DPY19L4: variants seen among roughly 807,000 people sequenced by gnomAD.
DPY19L4 encodes the protein probable C-mannosyltransferase DPY19L4.
Under a neutral mutation model 102.8 loss-of-function variants are expected in DPY19L4, and 97 were observed. The observed-to-expected ratio is 0.94, with a 90% CI of 0.80 to 1.12. DPY19L4 has a LOEUF of 1.12. Among genes scored for constraint, DPY19L4 ranks in the 50% most tolerant of loss-of-function variants. The probability of loss-of-function intolerance (pLI) is 0.00; values close to 1 mark genes in which losing one functional copy is unlikely to be tolerated. For synonymous variants in DPY19L4, 252 were observed against 283.1 expected (o/e 0.89, Z 1.10); for missense variants, 815 against 850.4 (o/e 0.96, Z 0.52).
chr8:94,765,120 CAAAT>C, intron 8 of DPY19L4, 59 bp from the exon 9 acceptor site: 1 of 1,186,316 alleles, frequency 8.4e-7, no homozygotes, highest in Non-Finnish European at 1.2e-6. Context: ...CTATATAAAA[CAAAT>C]GAAAATATGT....
chr8:94,777,886 T>TA, intron 14 of DPY19L4, 100 bp downstream of exon 14: 2 of 1,348,396 alleles, frequency 1.5e-6, no homozygotes, highest in Non-Finnish European at 2.0e-6. Context: ...ATGAGTAAAT[T>TA]ACATGATGAC....
chr8:94,737,048 A>ACT lies in DPY19L4; in HGVS notation c.253-1321_253-1320insCT, dbSNP rs1811217158. Among the ~76,000 whole-genome samples the ACT allele has an allele frequency of 2.0e-5, 3 of 152,342 alleles. No homozygotes were observed. The South Asian group carries it at 6.2e-4, about 32-fold the overall frequency. Reference sequence around the variant, plus strand: ...TAAAATTATTGCCAGATTACTAAAAAGTTAAGTTCCTCATTAATGGGGCCA... The same window carrying ACT: ...TAAAATTATTGCCAGATTACTAAAAACTGTTAAGTTCCTCATTAATGGGGCCA... On this transcript the variant is annotated intron_variant, in intron 3 of 18. Transcript: ENST00000414645.
At chr8:94,749,890 T>C (rs949466814) in intron 6 of DPY19L4, among the ~76,000 whole-genome samples, 10 of 152,200 alleles carry the variant, frequency 6.6e-5, no homozygotes, top group African/African-American at 2.4e-4. Flanking sequence ...TTAAGATAAA[T>C]TTCAGATGGA....
rs764361003 is a variant in DPY19L4, at chr8:94,734,709, C to T, written c.207C>T (p.Tyr69=). The part of the protein sequence containing the change: ...AVTSGMMYAL[Y]LSAYHERKFW... ...CTAGTGGTATGATGTATGCTCTCTACTTATCAGCATACCATGAACGGAAAT... is the reference window on the plus strand; with the variant it reads ...CTAGTGGTATGATGTATGCTCTCTATTTATCAGCATACCATGAACGGAAAT... The change falls in exon 3 of 19, where the codon TAC becomes TAT. Residue 69 remains tyrosine (Y), a synonymous_variant. Coordinates refer to ENST00000414645, the MANE Select transcript of DPY19L4 (RefSeq NM_181787.3). The T allele has an allele frequency of 1.1e-5, 18 of 1,613,994 alleles. No individual in the cohort carries two copies. The highest frequency in any genetic ancestry group is 1.5e-5 in the Non-Finnish European group (18 of 1,179,940).
At chr8:94,789,134 A>T (rs1813784864) in intron 18 of DPY19L4, among the ~76,000 whole-genome samples, 1 of 152,052 alleles carries the variant, frequency 6.6e-6, no homozygotes, top group South Asian at 2.1e-4. Flanking sequence ...TCTGATACCC[A>T]CTTTTCTGCT....
At chr8:94,737,514 G>A (rs1248745763) in intron 3 of DPY19L4, among the ~76,000 whole-genome samples, 2 of 151,344 alleles carry the variant, frequency 1.3e-5, no homozygotes, top group African/African-American at 4.8e-5. Context: ...GCCAGGCGGT[G>A]ACTCAACGCC....
At chr8:94,748,051 T>C (rs1251678621) in intron 6 of DPY19L4, among the ~76,000 whole-genome samples, 1 of 152,148 alleles carries the variant, frequency 6.6e-6, no homozygotes, top group Non-Finnish European at 1.5e-5. Flanking sequence ...TCATTTGATT[T>C]TGTCACCTCC....
At chr8:94,722,117 T>G (rs768435152) in intron 1 of DPY19L4, among the ~76,000 whole-genome samples, 10 of 113,702 alleles carry the variant, frequency 8.8e-5, no homozygotes, top group Non-Finnish European at 1.7e-4. Flanking sequence ...TAAAAAAAAA[T>G]AAAATTAAGG....
chr8:94,747,381 G>T (rs7386109), intron 6 of DPY19L4, among the ~76,000 whole-genome samples: 69,095 of 151,446 alleles, frequency 0.46, 17,944 homozygotes, highest in African/African-American at 0.73. Flanking sequence ...TGGCAATGTA[G>T]CATTTATTAT....
At chr8:94,740,564 C>T (rs1382709503) in intron 6 of DPY19L4, among the ~76,000 whole-genome samples, 2 of 152,120 alleles carry the variant, frequency 1.3e-5, no homozygotes, top group Non-Finnish European at 2.9e-5. Context: ...ACACCATTCT[C>T]CTGCCTCAGC....
intron 1 of DPY19L4, among the ~76,000 whole-genome samples, chr8:94,725,452 ATAG>A (rs938335590): frequency 6.6e-6 from 1 of 152,222 alleles, no homozygotes; most frequent in African/African-American, 2.4e-5. Context: ...GAAGAGGAAG[ATAG>A]TCTAATCCTG....
intron 13 of DPY19L4, among the ~76,000 whole-genome samples, chr8:94,776,505 T>TAA (rs1359445438): frequency 7.1e-6 from 1 of 141,360 alleles, no homozygotes. Flanking sequence ...ATATCTACAT[T>TAA]AAAAAAAAAA....
At chr8:94,761,531 G>A (rs888209722) in intron 7 of DPY19L4, among the ~76,000 whole-genome samples, 169 bp from the exon 8 acceptor site, 25 of 152,084 alleles carry the variant, frequency 1.6e-4, no homozygotes, top group Admixed American at 7.2e-4. Flanking sequence ...AGCTCTTGTC[G>A]TTTTTGTAAG....
chr8:94,764,659 A>G (rs372220154), intron 8 of DPY19L4, among the ~76,000 whole-genome samples: 1 of 111,044 alleles, frequency 9.0e-6, no homozygotes, highest in Non-Finnish European at 1.7e-5. Context: ...GTATGTATGT[A>G]TGTATGCGTG....
intron 12 of DPY19L4, among the ~76,000 whole-genome samples, chr8:94,769,328 C>T (rs2130899384): frequency 6.6e-6 from 1 of 152,190 alleles, no homozygotes; most frequent in East Asian, 1.9e-4. Flanking sequence ...TCCCAAAGTG[C>T]TGGGATTACA....
In DPY19L4 at chr8:94,773,112, G is replaced by A. The variant is rs1204351463; in HGVS notation, c.1454+2541G>A. 7.3e-5 allele frequency among the ~76,000 whole-genome samples: 11 copies of A among 151,594 alleles called. No individual in the cohort carries two copies. The East Asian group carries it at 2.2e-3, about 30-fold the overall frequency. ...ACCTGTAATCCCAGCTACTTGGGAG[G>A]CTAAGGCAGGAGAATCGCTTGAACC... On this transcript the variant is annotated intron_variant, in intron 13 of 18. Coordinates refer to ENST00000414645, the MANE Select transcript of DPY19L4 (RefSeq NM_181787.3).
intron 6 of DPY19L4, among the ~76,000 whole-genome samples, chr8:94,755,535 C>T (rs370519198): frequency 1.3e-5 from 2 of 152,276 alleles, no homozygotes; most frequent in Admixed American, 1.3e-4. Context: ...AGCTCTGCAG[C>T]TTCTTGGGGG....
chr8:94,781,056 A>ATTTTTTTTTTTTTTTTTTTTT, intron 15 of DPY19L4, 28 bp from the exon 16 acceptor site: 1 of 1,200,480 alleles, frequency 8.3e-7, no homozygotes. Flanking sequence ...TCTTTTGGGG[A>ATTTTTTTTTTTTTTTTTTTTT]TTTTTTTTTT....
At chr8:94,766,121 G>A (rs1812660737) in intron 10 of DPY19L4, among the ~76,000 whole-genome samples, 1 of 152,162 alleles carries the variant, frequency 6.6e-6, no homozygotes, top group South Asian at 2.1e-4. Flanking sequence ...AGTTACTTGA[G>A]CCTGGTGGGA....
Sources: allele counts gnomAD v4.1 joint callset (sites outside exome capture counted in the v4.1 genomes callset), GRCh38; gene constraint gnomAD v4.1.1; transcripts MANE v1.5; gene names NCBI Gene and HGNC (gene_info 2026-07-23, HGNC 2026-07-21).